ERC2: variants seen among roughly 807,000 people sequenced by gnomAD.
ERC2 encodes the protein ELKS/RAB6-interacting/CAST family member 2, also known as ERC protein 2.
A neutral mutation model predicts 114.8 loss-of-function variants in ERC2; 42 were observed. The observed-to-expected ratio is 0.37, with a 90% CI of 0.29 to 0.47. The LOEUF (loss-of-function observed/expected upper bound fraction) is 0.47. Among genes scored for constraint, ERC2 ranks in the 20% least tolerant of loss-of-function variants. The pLI is 0.99. For synonymous variants in ERC2, 454 were observed against 425.5 expected (o/e 1.07, Z -0.82); for missense variants, 939 against 1,150.7 (o/e 0.82, Z 2.66).
chr3:56,221,803 C>T lies in ERC2; in HGVS notation c.1075-48283G>A, dbSNP rs148619164. Among the ~76,000 whole-genome samples, 75 of 152,152 alleles carry T rather than the reference C, an allele frequency of 4.9e-4. No individual in the cohort carries two copies. The East Asian group carries it at 0.013, about 27-fold the overall frequency. On this transcript the variant is annotated intron_variant, in intron 3 of 17. Transcript: ENST00000288221. ...CCTGTAGTCCCAGCTCCTTGGGAGG[C>T]TGAGGCAGGAGAATGGTGTGAACCC...
intron 7 of ERC2, among the ~76,000 whole-genome samples, chr3:56,037,750 A>G (rs1244262888): frequency 6.6e-6 from 1 of 152,194 alleles, no homozygotes; most frequent in Non-Finnish European, 1.5e-5. Flanking sequence ...ACACAGAATC[A>G]TCAGATTCTC....
In ERC2 at chr3:56,010,502, T is replaced by C; in HGVS notation, c.1867A>G (p.Lys623Glu). Reference protein sequence around the residue: ...EEIESFRKENKDLKEKVNALQ... With the variant: ...EEIESFRKENEDLKEKVNALQ... ...GCATTGACCTTCTCTTTCAGGTCTT[T>C]GTTCTCTTTTCGGAAGGATTCTATC... is the stretch of plus-strand genomic sequence containing the variant. The change falls in exon 9 of 18, where the codon AAA becomes GAA. Residue 623 changes from lysine to glutamate, a missense_variant. Lys to Glu is a moderately conservative substitution (Grantham distance 56, BLOSUM62 1). Transcript: ENST00000288221. 1.2e-6 allele frequency: 2 copies of C among 1,613,738 alleles called. No homozygotes were observed. The highest frequency in any genetic ancestry group is 1.7e-6 in the Non-Finnish European group (2 of 1,179,738).
intron 17 of ERC2, among the ~76,000 whole-genome samples, chr3:55,594,056 C>A (rs568250083): frequency 6.6e-6 from 1 of 152,210 alleles, no homozygotes; most frequent in East Asian, 1.9e-4. Flanking sequence ...GTGCCTGGAA[C>A]TGTCTCCCTC....
At chr3:55,789,517 G>C (rs1244414193) in intron 14 of ERC2, among the ~76,000 whole-genome samples, 1 of 152,222 alleles carries the variant, frequency 6.6e-6, no homozygotes, top group Non-Finnish European at 1.5e-5. Context: ...GATGCATAGA[G>C]AGATTACCGA....
At chr3:55,760,900 G>T (rs1368170905) in intron 14 of ERC2, among the ~76,000 whole-genome samples, 3 of 152,166 alleles carry the variant, frequency 2.0e-5, no homozygotes, top group Non-Finnish European at 4.4e-5. Flanking sequence ...AGCCTAAAGG[G>T]CATGACATAA....
intron 17 of ERC2, among the ~76,000 whole-genome samples, chr3:55,550,217 C>T (rs1341797109): frequency 6.6e-6 from 1 of 152,194 alleles, no homozygotes; most frequent in East Asian, 1.9e-4. Flanking sequence ...TCAAGTGTCA[C>T]TGCCTCCAGG....
At chr3:55,666,437 A>AT (rs2061359861) in intron 17 of ERC2, among the ~76,000 whole-genome samples, 1 of 152,134 alleles carries the variant, frequency 6.6e-6, no homozygotes, top group Non-Finnish European at 1.5e-5. Context: ...TCCTCTGAGT[A>AT]GTGTCAAAGG....
chr3:55,866,163 T>C (rs2062304151), intron 14 of ERC2, among the ~76,000 whole-genome samples: 1 of 152,172 alleles, frequency 6.6e-6, no homozygotes, highest in African/African-American at 2.4e-5. Context: ...GGATGTAAAG[T>C]GGTATCTCAT....
intron 12 of ERC2, among the ~76,000 whole-genome samples, chr3:55,976,791 C>G (rs145783140): frequency 2.0e-5 from 3 of 152,184 alleles, no homozygotes; most frequent in African/African-American, 7.2e-5. Context: ...AAGATAAATT[C>G]CATGTGGTTC....
intron 7 of ERC2, among the ~76,000 whole-genome samples, chr3:56,078,964 C>A (rs1268337726): frequency 6.6e-6 from 1 of 151,324 alleles, no homozygotes; most frequent in African/African-American, 2.4e-5. Flanking sequence ...AGACAGAGGG[C>A]AGGAATGTGG....
chr3:55,791,125 T>C (rs374271138), intron 14 of ERC2, among the ~76,000 whole-genome samples: 23 of 152,182 alleles, frequency 1.5e-4, no homozygotes, highest in Admixed American at 1.5e-3. Context: ...TGTGACTAAA[T>C]ATGGGGAAAG....
rs145943377 is a variant in ERC2 at position 56,329,083 on chromosome 3, C to T, written c.658-32648G>A. 2.2e-3 allele frequency among the ~76,000 whole-genome samples: 339 copies of T among 152,286 alleles called. 3 individuals are homozygous for T. Among genetic ancestry groups the T allele is most frequent in the African/African-American group, 7.9e-3 (328 of 41,558 alleles). ...ATAGTCCACCTCCACCCTTGGTCAC[C>T]TTCTTTATTTTCCAATAAAAGGATA... On this transcript the variant is annotated intron_variant, in intron 2 of 17. Coordinates refer to ENST00000288221, the MANE Select transcript of ERC2 (RefSeq NM_015576.3).
intron 13 of ERC2, among the ~76,000 whole-genome samples, chr3:55,937,815 G>T (rs191354848): frequency 6.6e-6 from 1 of 152,290 alleles, no homozygotes; most frequent in East Asian, 1.9e-4. Context: ...AGATGAGTTT[G>T]TATTCAGGGT....
At chr3:56,312,629 ATTAAAAAGTCATCACAATGCCAG>A (rs2056646834) in intron 2 of ERC2, among the ~76,000 whole-genome samples, 1 of 151,906 alleles carries the variant, frequency 6.6e-6, no homozygotes, top group Non-Finnish European at 1.5e-5. Flanking sequence ...TAATAAAACA[ATTAAAAAGTCATCACAATGCCAG>A]TTCTAGGCAT....
At chr3:55,547,496 A>G (rs544526370) in intron 17 of ERC2, among the ~76,000 whole-genome samples, 1 of 152,306 alleles carries the variant, frequency 6.6e-6, no homozygotes, top group Admixed American at 6.5e-5. Flanking sequence ...CATTTAATGA[A>G]AACCAGTTTA....
At chr3:56,448,933 G>A (rs541164755) in intron 1 of ERC2, among the ~76,000 whole-genome samples, 6 of 152,180 alleles carry the variant, frequency 3.9e-5, no homozygotes, top group Non-Finnish European at 5.9e-5. Context: ...ACATTAGCCA[G>A]GCGTGGTGGC....
intron 2 of ERC2, among the ~76,000 whole-genome samples, chr3:56,408,683 A>T (rs2060820557): frequency 6.6e-6 from 1 of 152,212 alleles, no homozygotes; most frequent in African/African-American, 2.4e-5. Context: ...ACGAATAAGC[A>T]AAGACATTGC....
intron 3 of ERC2, among the ~76,000 whole-genome samples, chr3:56,228,729 T>C (rs2050412051): frequency 6.6e-6 from 1 of 152,238 alleles, no homozygotes; most frequent in African/African-American, 2.4e-5. Context: ...GTATAAAAAT[T>C]ACTTTAATTC....
At chr3:56,058,808 C>T (rs2076121084) in intron 7 of ERC2, among the ~76,000 whole-genome samples, 1 of 152,208 alleles carries the variant, frequency 6.6e-6, no homozygotes, top group Admixed American at 6.5e-5. Context: ...ATTCTGGATT[C>T]ACAAAGTCCC....
Sources: gnomAD v4.1 joint callset for allele counts (sites outside exome capture counted in the v4.1 genomes callset) on GRCh38, gnomAD v4.1.1 for gene constraint, MANE v1.5 for transcripts, NCBI Gene and HGNC (gene_info 2026-07-23, HGNC 2026-07-21) for gene names.